DLG2: variants seen among roughly 807,000 people sequenced by gnomAD.
DLG2 encodes the protein discs large MAGUK scaffold protein 2.
A neutral mutation model predicts 132.5 loss-of-function variants in DLG2; 45 were observed. That is an observed-to-expected ratio of 0.34 (90% CI 0.27 to 0.44). The LOEUF (loss-of-function observed/expected upper bound fraction) is 0.44. DLG2 is among the 20% of genes least tolerant of loss of function. DLG2 has a pLI of 1.00. For missense variants in DLG2, 1,045 were observed against 1,196.9 expected (o/e 0.87, Z 1.87); for synonymous variants, 424 against 419.6 (o/e 1.01, Z -0.13).
chr11:85,447,922 G>A lies in DLG2; in HGVS notation c.40+150735C>T, dbSNP rs921414449. Reference sequence around the variant, plus strand: ...GATCTTAACCAATCTCTTTGAAAATGTTTTCCCAAAAGTCTAATAATTCTA... The same window carrying A: ...GATCTTAACCAATCTCTTTGAAAATATTTTCCCAAAAGTCTAATAATTCTA... On this transcript the variant is annotated intron_variant, in intron 3 of 27. Transcript: ENST00000376104. 2.3e-4 allele frequency among the ~76,000 whole-genome samples: 35 copies of A among 152,260 alleles called. 1 individual carries two copies. The highest frequency in any genetic ancestry group is 7.4e-5 in the Non-Finnish European group (5 of 67,998).
At chr11:84,268,241 C>T (rs1395557376) in intron 7 of DLG2, among the ~76,000 whole-genome samples, 5 of 152,162 alleles carry the variant, frequency 3.3e-5, no homozygotes, top group African/African-American at 1.2e-4. Context: ...TTCCATCTCA[C>T]GCAGATGGAT....
At chr11:84,790,131 C>T (rs563431150) in intron 6 of DLG2, among the ~76,000 whole-genome samples, 2 of 152,200 alleles carry the variant, frequency 1.3e-5, no homozygotes, top group African/African-American at 4.8e-5. Context: ...TATATGGTAG[C>T]TCTATATTTA....
chr11:83,645,391 A>G (rs896709103), intron 18 of DLG2, among the ~76,000 whole-genome samples: 9 of 152,124 alleles, frequency 5.9e-5, no homozygotes, highest in African/African-American at 2.2e-4. Flanking sequence ...GAAGCAATTT[A>G]TACACCAGAG....
intron 6 of DLG2, among the ~76,000 whole-genome samples, chr11:84,980,995 G>T (rs571596918): frequency 6.6e-6 from 1 of 152,072 alleles, no homozygotes; most frequent in Non-Finnish European, 1.5e-5. Context: ...CTATCACAGC[G>T]TTCACCACAC....
intron 6 of DLG2, among the ~76,000 whole-genome samples, chr11:84,654,476 T>C (rs188988177): frequency 4.1e-4 from 62 of 152,342 alleles, no homozygotes; most frequent in African/African-American, 9.1e-4. Context: ...TTATCTGTAA[T>C]TGGGAATAAA....
At chr11:84,860,502 T>C (rs1056060988) in intron 6 of DLG2, among the ~76,000 whole-genome samples, 7 of 152,160 alleles carry the variant, frequency 4.6e-5, no homozygotes, top group African/African-American at 1.7e-4. Flanking sequence ...GCTATATTAA[T>C]GGTGACTTTC....
At chr11:83,829,766 C>T (rs2053934876) in intron 17 of DLG2, among the ~76,000 whole-genome samples, 1 of 151,438 alleles carries the variant, frequency 6.6e-6, no homozygotes, top group African/African-American at 2.4e-5. Context: ...TATTATTATA[C>T]TTTAAGTTCT....
chr11:84,594,710 A>G lies in DLG2; in HGVS notation c.358-59979T>C, dbSNP rs180866632. ...TATAAAATAGGAAAAGACATGCTAT[A>G]TTTGTCTTACAGAAAAATCACTTTG... On this transcript the variant is annotated intron_variant, in intron 6 of 27. Transcript: ENST00000376104. Among the ~76,000 whole-genome samples the G allele has an allele frequency of 1.6e-3, 239 of 152,324 alleles. 1 individual carries two copies. The highest frequency in any genetic ancestry group is 6.1e-3 in the Admixed American group (93 of 15,300).
chr11:84,792,998 G>T (rs1475697450), intron 6 of DLG2, among the ~76,000 whole-genome samples: 1 of 151,980 alleles, frequency 6.6e-6, no homozygotes, highest in Middle Eastern at 3.2e-3. Context: ...TCTTGAAGGT[G>T]TATCATTAAA....
chr11:83,608,941 C>A (rs1374441069), intron 19 of DLG2, among the ~76,000 whole-genome samples: 1 of 152,092 alleles, frequency 6.6e-6, no homozygotes, highest in Non-Finnish European at 1.5e-5. Context: ...CATTTTGAAC[C>A]CTCTGCTGTC....
At chr11:85,518,937 C>T (rs1230606717) in intron 3 of DLG2, among the ~76,000 whole-genome samples, 1 of 152,222 alleles carries the variant, frequency 6.6e-6, no homozygotes. Flanking sequence ...GCAGCTTCCA[C>T]GTGGTGTTGA....
intron 7 of DLG2, among the ~76,000 whole-genome samples, chr11:84,360,006 C>A (rs1044989819): frequency 4.0e-4 from 61 of 151,924 alleles, no homozygotes; most frequent in African/African-American, 1.4e-3. Context: ...CAATTGGTAG[C>A]TTAGTAATGC....
rs1038198443 is a variant in DLG2, at chr11:85,339,944, A to T, written c.41-54579T>A. The stretch of plus-strand genomic sequence containing the variant: ...CAAATCAAAACCACAATGAGATACC[A>T]TCTCACGCCAGTTAGAATGGAGGTC... On this transcript the variant is annotated intron_variant, in intron 3 of 27. Coordinates refer to ENST00000376104, the MANE Select transcript of DLG2 (RefSeq NM_001142699.3). Among the ~76,000 whole-genome samples, 19 of 152,214 alleles carry T rather than the reference A, an allele frequency of 1.2e-4. 1 individual carries two copies. The highest frequency in any genetic ancestry group is 1.0e-3 in the Admixed American group (16 of 15,284).
chr11:85,496,268 G>A (rs1272824265), intron 3 of DLG2, among the ~76,000 whole-genome samples: 1 of 152,318 alleles, frequency 6.6e-6, no homozygotes, highest in African/African-American at 2.4e-5. Context: ...TGGCTCAGCA[G>A]GTCTCACTCC....
In DLG2 at chr11:83,795,443, A is replaced by ATC. The variant is rs1211842363; in HGVS notation, c.1723-8652_1723-8651insGA. Among the ~76,000 whole-genome samples, 13 of 151,400 alleles carry ATC rather than the reference A, an allele frequency of 8.6e-5. 1 individual carries two copies. The highest frequency in any genetic ancestry group is 2.6e-4 in the Admixed American group (4 of 15,194). On this transcript the variant is annotated intron_variant, in intron 17 of 27. Coordinates refer to ENST00000376104, the MANE Select transcript of DLG2 (RefSeq NM_001142699.3). ...TATCTATATCTATATCTATATCTATATATCTATATCTATATCTATCTATTT... is the reference window on the plus strand; with the variant it reads ...TATCTATATCTATATCTATATCTATATCTATCTATATCTATATCTATCTATTT...
intron 6 of DLG2, among the ~76,000 whole-genome samples, chr11:84,952,333 C>T (rs1398711155): frequency 1.3e-5 from 2 of 152,076 alleles, no homozygotes; most frequent in African/African-American, 2.4e-5. Context: ...ATCGAGACCA[C>T]GGTGAAACCC....
At chr11:84,592,001 G>A (rs966524471) in intron 6 of DLG2, among the ~76,000 whole-genome samples, 1 of 152,072 alleles carries the variant, frequency 6.6e-6, no homozygotes, top group Non-Finnish European at 1.5e-5. Flanking sequence ...CCATAGGCAT[G>A]AGCCATCACG....
At chr11:85,229,007 T>C (rs900693860) in intron 4 of DLG2, among the ~76,000 whole-genome samples, 6 of 151,744 alleles carry the variant, frequency 4.0e-5, no homozygotes, top group Non-Finnish European at 8.8e-5. Context: ...TTAGTGTTTA[T>C]TTTAGGAATT....
chr11:85,311,679 CTTAT>C (rs995745208), intron 3 of DLG2, among the ~76,000 whole-genome samples: 8 of 152,178 alleles, frequency 5.3e-5, no homozygotes, highest in African/African-American at 1.4e-4. Context: ...ATCTCTTAGA[CTTAT>C]TTATTTCCTC....
Sources: allele counts gnomAD v4.1 joint callset (sites outside exome capture counted in the v4.1 genomes callset), GRCh38; gene constraint gnomAD v4.1.1; transcripts MANE v1.5; gene names NCBI Gene and HGNC (gene_info 2026-07-23, HGNC 2026-07-21).